SPHKAP: variants seen among roughly 807,000 people sequenced by gnomAD.
SPHKAP encodes the protein SPHK1 interactor, AKAP domain containing.
SPHKAP carries 67 observed loss-of-function variants against 137.5 expected under a neutral mutation model. The observed-to-expected ratio is 0.49, with a 90% CI of 0.40 to 0.60. The LOEUF (loss-of-function observed/expected upper bound fraction) is 0.60. Among genes scored for constraint, SPHKAP ranks in the 20% least tolerant of loss-of-function variants. The pLI, the probability that SPHKAP is intolerant of heterozygous loss-of-function variation, is 0.00. For synonymous variants in SPHKAP, 813 were observed against 785.3 expected, an observed-to-expected ratio of 1.04 and a Z score of -0.59; for missense variants, 2,097 against 2,069.3, an observed-to-expected ratio of 1.01 and a Z score of -0.26.
At chr2:227,991,720 A>G in intron 9 of SPHKAP, 1 of 967,692 alleles carries the variant, frequency 1.0e-6, no homozygotes, top group Non-Finnish European at 1.2e-6. Flanking sequence ...TTTCATCTTA[A>G]TGAATCATAT....
At chr2:228,038,739 C>T (rs1695729838) in intron 3 of SPHKAP, among the ~76,000 whole-genome samples, 1 of 152,182 alleles carries the variant, frequency 6.6e-6, no homozygotes, top group Non-Finnish European at 1.5e-5. Flanking sequence ...CAGTGCTCAG[C>T]ATGGTGCCAG....
chr2:228,174,831 A>T (rs924007780), intron 1 of SPHKAP, among the ~76,000 whole-genome samples: 9 of 152,206 alleles, frequency 5.9e-5, no homozygotes, highest in African/African-American at 2.2e-4. Context: ...GCAAGCTCGC[A>T]TGATTAGTTA....
At chr2:228,041,042 C>T (rs1402109862) in intron 3 of SPHKAP, among the ~76,000 whole-genome samples, 1 of 151,984 alleles carries the variant, frequency 6.6e-6, no homozygotes, top group Admixed American at 6.6e-5. Flanking sequence ...GTGCTCTGGG[C>T]TATATAAAAA....
At chr2:228,034,222 C>T (rs1695479502) in intron 3 of SPHKAP, among the ~76,000 whole-genome samples, 2 of 152,160 alleles carry the variant, frequency 1.3e-5, no homozygotes, top group Non-Finnish European at 2.9e-5. Context: ...CACAGAAATA[C>T]AAACTACCAT....
intron 3 of SPHKAP, among the ~76,000 whole-genome samples, chr2:228,031,980 C>T (rs1408443376): frequency 6.6e-6 from 1 of 152,150 alleles, no homozygotes; most frequent in Non-Finnish European, 1.5e-5. Flanking sequence ...AGCGCCTCTC[C>T]TCCTCCAAAG....
chr2:228,048,956 T>A (rs6720221), intron 3 of SPHKAP, among the ~76,000 whole-genome samples: 58,142 of 151,920 alleles, frequency 0.38, 11,591 homozygotes, highest in South Asian at 0.52. Flanking sequence ...TGCATTCCTG[T>A]CTATAAGCAA....
At chr2:228,102,744 TGTTG>T (rs754679101) in intron 3 of SPHKAP, among the ~76,000 whole-genome samples, 1 of 151,678 alleles carries the variant, frequency 6.6e-6, no homozygotes, top group African/African-American at 2.4e-5. Flanking sequence ...CAATTTTTTT[TGTTG>T]TTTGTTTGTT....
chr2:228,016,969 T>A lies in SPHKAP; in HGVS notation c.3885A>T (p.Arg1295Ser). Residue 1295 changes from arginine to serine, a missense_variant, in exon 7 of 12, where the codon AGA (arginine) becomes AGT (serine). Physicochemically the swap from Arg to Ser is moderately radical, Grantham distance 110 (BLOSUM62 -1). Transcript: ENST00000392056. ...LCKSDSCLYR[R>S]GGTDHITNML... The stretch of plus-strand genomic sequence containing the variant: ...TGTTGGTGATGTGGTCAGTCCCACC[T>A]CTCCGATACAAGCAAGAGTCAGATT... The A allele has an allele frequency of 6.2e-7, 1 of 1,614,058 alleles. No individual in the cohort carries two copies.
intron 3 of SPHKAP, among the ~76,000 whole-genome samples, chr2:228,030,775 A>C (rs1383005609): frequency 6.6e-6 from 1 of 151,422 alleles, no homozygotes; most frequent in African/African-American, 2.4e-5. Flanking sequence ...TCACCTCTTC[A>C]TGTGAAAGCA....
chr2:228,092,325 A>ACACACACGTGTATGTGTGTGTATACGTG (rs1559169039), intron 3 of SPHKAP, among the ~76,000 whole-genome samples: 7 of 104,990 alleles, frequency 6.7e-5, no homozygotes, highest in Non-Finnish European at 1.0e-4. Flanking sequence ...GTGTATACGT[A>ACACACACGTGTATGTGTGTGTATACGTG]CACACACACG....
chr2:228,042,458 C>T (rs1193971529), intron 3 of SPHKAP, among the ~76,000 whole-genome samples: 1 of 152,120 alleles, frequency 6.6e-6, no homozygotes, highest in African/African-American at 2.4e-5. Context: ...TTAGTATAGT[C>T]ATCATTTCTA....
chr2:228,133,031 G>T (rs958708084), intron 1 of SPHKAP, among the ~76,000 whole-genome samples: 1 of 151,896 alleles, frequency 6.6e-6, no homozygotes, highest in East Asian at 1.9e-4. Flanking sequence ...AAAAGGCCGG[G>T]CATGGTGGCT....
chr2:228,039,835 C>A (rs1386841925), intron 3 of SPHKAP, among the ~76,000 whole-genome samples: 1 of 152,070 alleles, frequency 6.6e-6, no homozygotes, highest in Non-Finnish European at 1.5e-5. Flanking sequence ...GGGATCAAAT[C>A]CATATCATAA....
intron 3 of SPHKAP, among the ~76,000 whole-genome samples, chr2:228,105,991 T>G (rs1574854509): frequency 6.6e-6 from 1 of 152,192 alleles, no homozygotes; most frequent in East Asian, 1.9e-4. Context: ...TGGATAGCGG[T>G]TCCTGTTCCG....
intron 3 of SPHKAP, among the ~76,000 whole-genome samples, chr2:228,044,681 AAAAAC>A (rs1363416605): frequency 3.3e-5 from 5 of 152,330 alleles, no homozygotes; most frequent in East Asian, 3.8e-4. Flanking sequence ...GTAATTGGAG[AAAAAC>A]AAAACAAAAT....
At chr2:228,011,019 C>T (rs934030686) in intron 7 of SPHKAP, among the ~76,000 whole-genome samples, 1 of 152,128 alleles carries the variant, frequency 6.6e-6, no homozygotes, top group African/African-American at 2.4e-5. Flanking sequence ...CTGGGCTTAA[C>T]TCTCCAGAGA....
intron 1 of SPHKAP, among the ~76,000 whole-genome samples, chr2:228,176,541 G>A (rs191338164): frequency 2.2e-4 from 34 of 152,324 alleles, no homozygotes; most frequent in Non-Finnish European, 8.8e-5. Flanking sequence ...GACAGTCTCA[G>A]CCATTAATTT....
At chr2:228,117,684 G>GA (rs151225715) in intron 2 of SPHKAP, among the ~76,000 whole-genome samples, 3,674 of 152,176 alleles carry the variant, frequency 0.024, 70 homozygotes, top group Admixed American at 0.04. Context: ...TATGAGTTTT[G>GA]AAAAATGCAC....
At chr2:228,061,748 C>G (rs1054983098) in intron 3 of SPHKAP, among the ~76,000 whole-genome samples, 3 of 151,880 alleles carry the variant, frequency 2.0e-5, no homozygotes, top group African/African-American at 7.3e-5. Context: ...CACACACACA[C>G]ACACACATAC....
Sources: gnomAD v4.1 joint callset for allele counts (sites outside exome capture counted in the v4.1 genomes callset) on GRCh38, gnomAD v4.1.1 for gene constraint, MANE v1.5 for transcripts, NCBI Gene and HGNC (gene_info 2026-07-23, HGNC 2026-07-21) for gene names.